The following RPS6KC1 variants were observed in gnomAD, a reference collection of about 807,000 sequenced individuals.
RPS6KC1 encodes inactive ribosomal protein S6 kinase delta-1.
RPS6KC1 carries 54 observed loss-of-function variants against 103.8 expected under a neutral mutation model. The ratio of observed to expected loss-of-function variants is 0.52; its 90% CI spans 0.42 to 0.65. The LOEUF (loss-of-function observed/expected upper bound fraction) is 0.65, where lower values mean the gene tolerates loss of function less well. Ranked by LOEUF, RPS6KC1 falls within the 30% of genes least tolerant of loss-of-function variation. RPS6KC1 has a pLI of 0.00. For synonymous variants in RPS6KC1, 439 were observed against 438.7 expected (o/e 1.00, Z -0.01); for missense variants, 1,151 against 1,253.8 (o/e 0.92, Z 1.24).
chr1:213,796,958 A>G, the RPS6KC1 span, among the ~76,000 whole-genome samples: 1 of 152,328 alleles, frequency 6.6e-6, no homozygotes, highest in East Asian at 1.9e-4. Flanking sequence ...CTGGAGAATA[A>G]AATCTTACCA....
At chr1:213,801,496 A>C in the RPS6KC1 span, among the ~76,000 whole-genome samples, 2 of 152,170 alleles carry the variant, frequency 1.3e-5, no homozygotes, top group Non-Finnish European at 2.9e-5. Flanking sequence ...AGAAAGAAGA[A>C]GAAAATGAAA....
At chr1:213,153,608 A>G (rs2089518561) in intron 6 of RPS6KC1, among the ~76,000 whole-genome samples, 2 of 152,344 alleles carry the variant, frequency 1.3e-5, no homozygotes, top group East Asian at 1.9e-4. Flanking sequence ...AGAGTAGTTT[A>G]CACACCACAT....
At chr1:213,177,609 C>G (rs886854591) in intron 8 of RPS6KC1, among the ~76,000 whole-genome samples, 2 of 152,066 alleles carry the variant, frequency 1.3e-5, no homozygotes, top group African/African-American at 4.8e-5. Flanking sequence ...TTAAAAAATT[C>G]TAAGTAGTAG....
the RPS6KC1 span, among the ~76,000 whole-genome samples, chr1:213,326,809 T>C: frequency 6.6e-6 from 1 of 152,054 alleles, no homozygotes; most frequent in African/African-American, 2.4e-5. Flanking sequence ...TGGAATGGGG[T>C]GTCTTAGAAT....
intron 8 of RPS6KC1, among the ~76,000 whole-genome samples, chr1:213,192,292 A>G (rs2092777161): frequency 6.6e-6 from 1 of 151,972 alleles, no homozygotes; most frequent in East Asian, 1.9e-4. Context: ...CTTTGGTAGT[A>G]TTTTGTTGAG....
the RPS6KC1 span, among the ~76,000 whole-genome samples, chr1:213,395,135 T>A: frequency 6.6e-6 from 1 of 152,154 alleles, no homozygotes; most frequent in African/African-American, 2.4e-5. Flanking sequence ...ATGTCATGGG[T>A]CTGTAGTCCA....
At chr1:213,487,838 G>A in the RPS6KC1 span, among the ~76,000 whole-genome samples, 3 of 150,540 alleles carry the variant, frequency 2.0e-5, no homozygotes, top group Admixed American at 6.6e-5. Flanking sequence ...AGAATATGAT[G>A]TTATTATTAT....
At chr1:213,468,992 C>A in the RPS6KC1 span, among the ~76,000 whole-genome samples, 1 of 152,174 alleles carries the variant, frequency 6.6e-6, no homozygotes, top group Non-Finnish European at 1.5e-5. Context: ...AGCGACACCT[C>A]AGAGAAAGCT....
At chr1:213,707,844 A>G in the RPS6KC1 span, among the ~76,000 whole-genome samples, 1 of 152,124 alleles carries the variant, frequency 6.6e-6, no homozygotes, top group Non-Finnish European at 1.5e-5. Context: ...CAAAGATCAG[A>G]TGGTTGTAGA....
At chr1:213,656,826 T>C in the RPS6KC1 span, among the ~76,000 whole-genome samples, 1 of 152,368 alleles carries the variant, frequency 6.6e-6, no homozygotes, top group South Asian at 2.1e-4. Flanking sequence ...GAGAATGTTC[T>C]TCCTACTATT....
the RPS6KC1 span, among the ~76,000 whole-genome samples, chr1:213,651,078 G>A: frequency 6.6e-6 from 1 of 152,148 alleles, no homozygotes; most frequent in Non-Finnish European, 1.5e-5. Context: ...GTGAGGCAGA[G>A]TGTAGGGAGA....
chr1:213,459,273 T>G, the RPS6KC1 span, among the ~76,000 whole-genome samples: 1 of 152,278 alleles, frequency 6.6e-6, no homozygotes, highest in East Asian at 1.9e-4. Flanking sequence ...AATTACTGCC[T>G]CAATTTCAGA....
At chr1:213,485,903 T>C in the RPS6KC1 span, among the ~76,000 whole-genome samples, 1 of 152,218 alleles carries the variant, frequency 6.6e-6, no homozygotes, top group Non-Finnish European at 1.5e-5. Flanking sequence ...GGCAGAGTCA[T>C]TTGTCATTTA....
chr1:213,102,683 G>T (rs946565666), intron 3 of RPS6KC1, among the ~76,000 whole-genome samples: 1 of 152,116 alleles, frequency 6.6e-6, no homozygotes, highest in Non-Finnish European at 1.5e-5. Context: ...TCCATAGTAA[G>T]TAAAGCAGTA....
chr1:213,561,154 T>C, the RPS6KC1 span, among the ~76,000 whole-genome samples: 2 of 152,348 alleles, frequency 1.3e-5, no homozygotes, highest in East Asian at 3.9e-4. Context: ...TCGGGTATTA[T>C]CTGCTAAAGC....
At chr1:213,825,592 A>G in the RPS6KC1 span, among the ~76,000 whole-genome samples, 1 of 151,760 alleles carries the variant, frequency 6.6e-6, no homozygotes, top group African/African-American at 2.4e-5. Context: ...TGACTCATCT[A>G]TGCCCCAGAC....
the RPS6KC1 span, among the ~76,000 whole-genome samples, chr1:213,736,407 G>A: frequency 2.6e-5 from 4 of 152,272 alleles, no homozygotes; most frequent in African/African-American, 7.2e-5. Flanking sequence ...CTTTTTGTGG[G>A]CTAGGGCCTG....
chr1:213,773,173 G>C, the RPS6KC1 span, among the ~76,000 whole-genome samples: 1 of 151,882 alleles, frequency 6.6e-6, no homozygotes, highest in South Asian at 2.1e-4. Context: ...GGTGACTGCA[G>C]ACCCCTGATT....
chr1:213,248,947 A>C (rs1243361446), intron 12 of RPS6KC1, among the ~76,000 whole-genome samples: 2 of 152,194 alleles, frequency 1.3e-5, no homozygotes, highest in Admixed American at 1.3e-4. Flanking sequence ...ACATTTCATA[A>C]TACTACCTGA....
Sources: allele counts gnomAD v4.1 joint callset (sites outside exome capture counted in the v4.1 genomes callset), GRCh38; gene constraint gnomAD v4.1.1; transcripts MANE v1.5; gene names NCBI Gene and HGNC (gene_info 2026-07-23, HGNC 2026-07-21).